The following RASSF8 variants were observed in gnomAD, a reference collection of about 807,000 sequenced individuals.
The protein encoded by RASSF8 is ras association domain-containing protein 8.
RASSF8 carries 22 observed loss-of-function variants against 48.5 expected under a neutral mutation model. The observed-to-expected ratio is 0.45, with a 90% CI of 0.32 to 0.65. The LOEUF is 0.65. RASSF8 is among the 30% of genes least tolerant of loss of function. RASSF8 has a pLI of 0.03. For synonymous variants in RASSF8, 127 were observed against 171.5 expected (o/e 0.74, Z 2.03); for missense variants, 418 against 489.2 (o/e 0.85, Z 1.37).
chr12:26,043,650 A>T (rs891685524), intron 2 of RASSF8, among the ~76,000 whole-genome samples: 4 of 152,234 alleles, frequency 2.6e-5, no homozygotes, highest in Admixed American at 6.5e-5. Flanking sequence ...GTTATTTGTA[A>T]TAGACAAAAA....
intron 1 of RASSF8, among the ~76,000 whole-genome samples, chr12:25,962,404 G>A (rs1941257978): frequency 6.6e-6 from 1 of 152,048 alleles, no homozygotes; most frequent in Non-Finnish European, 1.5e-5. Flanking sequence ...CCCTCATAGC[G>A]TAATCACTTT....
chr12:25,985,681 A>G (rs533888306), intron 1 of RASSF8, among the ~76,000 whole-genome samples: 16 of 152,320 alleles, frequency 1.1e-4, no homozygotes, highest in African/African-American at 3.8e-4. Flanking sequence ...TCTTATCCCC[A>G]TCTTACAGAT....
intron 2 of RASSF8, among the ~76,000 whole-genome samples, chr12:26,033,327 T>A (rs191768330): frequency 2.9e-4 from 44 of 152,324 alleles, no homozygotes; most frequent in Non-Finnish European, 5.0e-4. Context: ...TTGTGATCTT[T>A]CAGGTCATAA....
chr12:25,982,784 G>A (rs1043082754), intron 1 of RASSF8, among the ~76,000 whole-genome samples: 1 of 152,180 alleles, frequency 6.6e-6, no homozygotes, highest in African/African-American at 2.4e-5. Flanking sequence ...GTGTATTGTA[G>A]AACTAGAAAT....
rs17459138 is a variant in RASSF8, at chr12:26,007,400, G to C, written c.-109+12270G>C. Among the ~76,000 whole-genome samples the C allele has an allele frequency of 3.6e-3, 553 of 152,274 alleles. 18 individuals are homozygous for C. Among genetic ancestry groups the C allele is most frequent in the Admixed American group, 0.035 (531 of 15,302 alleles). On this transcript the variant is annotated intron_variant, in intron 2 of 5. Coordinates refer to ENST00000689635, the MANE Select transcript of RASSF8 (RefSeq NM_001394098.1). ...CTAGCAAATCTGTCTCTCAGACCTG[G>C]CATTACCTAGACTTGAGGCTTACAG...
At chr12:25,964,702 C>A (rs1327492494) in intron 1 of RASSF8, among the ~76,000 whole-genome samples, 1 of 152,006 alleles carries the variant, frequency 6.6e-6, no homozygotes, top group Non-Finnish European at 1.5e-5. Context: ...AAGGTTTTAC[C>A]CTTATTTTTG....
At position 26,064,545 on chromosome 12, in the gene RASSF8, A is replaced by G. The variant is rs753283202; in HGVS notation, c.151A>G (p.Arg51Gly). Reference protein sequence around the residue: ...TLIEKWRDTERHLAPHENPII... With the variant: ...TLIEKWRDTEGHLAPHENPII... ...TATAGAGAAATGGAGAGATACTGAA[A>G]GACACTTAGCACCTCATGAAAATCC... Residue 51 changes from arginine (R) to glycine (G), a missense_variant, in exon 4 of 6, where the codon AGA becomes GGA. By Grantham distance (125) the Arg-to-Gly change is moderately radical. Coordinates refer to ENST00000689635, the MANE Select transcript of RASSF8 (RefSeq NM_001394098.1). 4.7e-5 allele frequency: 76 copies of G among 1,608,594 alleles called. No individual in the cohort carries two copies. The highest frequency in any genetic ancestry group is 6.0e-5 in the Non-Finnish European group (71 of 1,176,988).
intron 2 of RASSF8, among the ~76,000 whole-genome samples, chr12:26,004,969 C>T (rs1365574657): frequency 6.6e-6 from 1 of 151,822 alleles, no homozygotes; most frequent in Non-Finnish European, 1.5e-5. Flanking sequence ...GTCTGGGCAA[C>T]AAAGGGAGAC....
intron 2 of RASSF8, among the ~76,000 whole-genome samples, chr12:26,043,344 A>C (rs1226783338): frequency 6.6e-6 from 1 of 152,218 alleles, no homozygotes; most frequent in Admixed American, 6.5e-5. Context: ...TTGAGAGAAC[A>C]GAAATGTCTT....
At chr12:26,015,034 C>CCCCG (rs397699057) in intron 2 of RASSF8, among the ~76,000 whole-genome samples, 4 of 149,180 alleles carry the variant, frequency 2.7e-5, no homozygotes, top group South Asian at 2.1e-4. Flanking sequence ...AGTGAGACCC[C>CCCCG]GTCTGTCCAA....
At chr12:25,965,313 T>C (rs1941333183) in intron 1 of RASSF8, among the ~76,000 whole-genome samples, 1 of 152,074 alleles carries the variant, frequency 6.6e-6, no homozygotes, top group Admixed American at 6.5e-5. Context: ...TTTACAAGAT[T>C]TGATCTATGT....
In RASSF8 at chr12:26,072,366, G is replaced by A. The variant is rs371560479; in HGVS notation, c.*3548G>A. Reference sequence around the variant, plus strand: ...TCAGTATTGCTGCTTTACATCTCCAGAATAAGCTTTCGATGCCAGGACAGT... The same window carrying A: ...TCAGTATTGCTGCTTTACATCTCCAAAATAAGCTTTCGATGCCAGGACAGT... On this transcript the variant is annotated 3_prime_UTR_variant, in exon 6 of 6. Transcript: ENST00000689635. 28 of 985,302 alleles carry A rather than the reference G, an allele frequency of 2.8e-5. No individual in the cohort carries two copies. The African/African-American group carries it at 3.1e-4, about 11-fold the overall frequency. 61.0% of individuals were successfully genotyped at this position (985,302 alleles called of 1,614,324 possible). A position where few individuals can be genotyped will look rare whatever the true frequency, so the allele number is the denominator to read the frequency against.
chr12:25,989,808 A>G (rs1246444972), intron 1 of RASSF8, among the ~76,000 whole-genome samples: 1 of 151,962 alleles, frequency 6.6e-6, no homozygotes, highest in Non-Finnish European at 1.5e-5. Context: ...TGGAGGAATT[A>G]TGGTAGAGAG....
chr12:26,072,971 T>A (rs1439640838), downstream of RASSF8: 14 of 350,912 alleles, frequency 4.0e-5, no homozygotes, highest in Non-Finnish European at 4.8e-5. Flanking sequence ...TCACTACACA[T>A]AATTACATTT....
chr12:26,026,968 A>G (rs1237203001), intron 2 of RASSF8, among the ~76,000 whole-genome samples: 1 of 152,238 alleles, frequency 6.6e-6, no homozygotes, highest in African/African-American at 2.4e-5. Flanking sequence ...AGCATTATTC[A>G]TAATAGCCAA....
chr12:26,068,844 C>T lies in RASSF8; in HGVS notation c.*26C>T. The T allele has an allele frequency of 6.5e-7, 1 of 1,535,380 alleles. No homozygotes were observed. Among genetic ancestry groups the T allele is most frequent in the East Asian group, 2.4e-5 (1 of 40,872 alleles). On this transcript the variant is annotated 3_prime_UTR_variant, in exon 6 of 6. Coordinates refer to ENST00000689635, the MANE Select transcript of RASSF8 (RefSeq NM_001394098.1). ...CATTATCTGTCTTTAGGGAGGAGAC[C>T]CAACAGAGGTACCAAGGACAGTAAA...
chr12:26,019,587 G>C (rs1238705734), intron 2 of RASSF8, among the ~76,000 whole-genome samples: 6 of 151,242 alleles, frequency 4.0e-5, no homozygotes, highest in African/African-American at 1.5e-4. Context: ...GTGTGTGTGT[G>C]TGTGTGTGTG....
chr12:26,065,703 T>C (rs182183808), intron 4 of RASSF8, among the ~76,000 whole-genome samples: 1 of 152,328 alleles, frequency 6.6e-6, no homozygotes, highest in African/African-American at 2.4e-5. Context: ...CTGAAAGAGC[T>C]GTCCATGGAT....
At chr12:26,046,529 T>C (rs909067576) in intron 2 of RASSF8, among the ~76,000 whole-genome samples, 2 of 152,162 alleles carry the variant, frequency 1.3e-5, no homozygotes, top group African/African-American at 2.4e-5. Context: ...ATTTAAAAAA[T>C]TTTTTAAAGG....
Sources: gnomAD v4.1 joint callset for allele counts (sites outside exome capture counted in the v4.1 genomes callset) on GRCh38, gnomAD v4.1.1 for gene constraint, MANE v1.5 for transcripts, NCBI Gene and HGNC (gene_info 2026-07-23, HGNC 2026-07-21) for gene names.